BCL10: variants seen among roughly 807,000 people sequenced by gnomAD.
BCL10 encodes B-cell lymphoma/leukemia 10.
Under a neutral mutation model 19.2 loss-of-function variants are expected in BCL10, and 5 were observed. The observed-to-expected ratio is 0.26, with a 90% CI of 0.14 to 0.55. BCL10 has a LOEUF of 0.55. BCL10 is among the 20% of genes least tolerant of loss of function. The pLI, the probability that BCL10 is intolerant of heterozygous loss-of-function variation, is 0.94. For synonymous variants in BCL10, 110 were observed against 98.8 expected (o/e 1.11, Z -0.67); for missense variants, 201 against 271.9 (o/e 0.74, Z 1.83).
intron 2 of BCL10, among the ~76,000 whole-genome samples, chr1:85,269,315 T>C (rs1237702584): frequency 6.6e-6 from 1 of 152,236 alleles, no homozygotes; most frequent in East Asian, 1.9e-4. Flanking sequence ...TTTTATGATA[T>C]CCAAAGGGTA....
intron 1 of BCL10, among the ~76,000 whole-genome samples, chr1:85,273,951 A>G (rs1660436643): frequency 6.6e-6 from 1 of 152,184 alleles, no homozygotes; most frequent in African/African-American, 2.4e-5. Context: ...CCACCTTCCT[A>G]ACTTCACTTC....
At chr1:85,271,860 C>T (rs371621155) in intron 1 of BCL10, among the ~76,000 whole-genome samples, 2 of 152,248 alleles carry the variant, frequency 1.3e-5, no homozygotes. Flanking sequence ...TCTTGGTCTA[C>T]GAAGTTCCAC....
chr1:85,267,548 T>C lies in BCL10; in HGVS notation c.*79A>G. 1 of 1,201,252 alleles carries C rather than the reference T, an allele frequency of 8.3e-7. No individual in the cohort carries two copies. Among genetic ancestry groups the C allele is most frequent in the East Asian group, 2.4e-5 (1 of 41,062 alleles). 74.4% of individuals were successfully genotyped at this position (1,201,252 alleles called of 1,614,324 possible). On this transcript the variant is annotated 3_prime_UTR_variant, in exon 3 of 3. Coordinates refer to ENST00000648566, the MANE Select transcript of BCL10 (RefSeq NM_003921.5). ...AAGACATGCATCAAATGTAAACAAA[T>C]GATTACAGCCATTTTATAAAAAGTC... is the stretch of plus-strand genomic sequence containing the variant.
At chr1:85,268,298 T>C (rs1660259075) in intron 2 of BCL10, among the ~76,000 whole-genome samples, 1 of 152,224 alleles carries the variant, frequency 6.6e-6, no homozygotes, top group Non-Finnish European at 1.5e-5. Flanking sequence ...GAAATAGCTT[T>C]CACAATAAAT....
At chr1:85,276,211 G>T in intron 1 of BCL10, 85 bp downstream of exon 1, 1 of 1,522,408 alleles carries the variant, frequency 6.6e-7, no homozygotes, top group Non-Finnish European at 9.1e-7. Context: ...GATCCTCCTT[G>T]TCCTCGGACT....
At chr1:85,269,119 T>C (rs1177064469) in intron 2 of BCL10, among the ~76,000 whole-genome samples, 1 of 152,212 alleles carries the variant, frequency 6.6e-6, no homozygotes, top group East Asian at 1.9e-4. Context: ...TTTCACACTC[T>C]TGCCCTCCCT....
In BCL10 at chr1:85,268,044, T is replaced by C. The variant is rs185236679; in HGVS notation, c.347-62A>G. ...ACTAAAAAAATGGAGTCACTGTCCA[T>C]CTTGTGACTTGTTAAAGATTACAAG... On this transcript the variant is annotated intron_variant, in intron 2 of 2. Transcript: ENST00000648566. The C allele has an allele frequency of 1.4e-4, 160 of 1,125,564 alleles. 1 individual carries two copies. In the African/African-American group the frequency reaches 2.3e-3, roughly 16 times the overall value. 69.7% of individuals were successfully genotyped at this position (1,125,564 alleles called of 1,614,324 possible).
chr1:85,276,497 G>T lies in BCL10; in HGVS notation c.-145C>A, dbSNP rs1570341687. On this transcript the variant is annotated 5_prime_UTR_variant, in exon 1 of 3. Transcript: ENST00000648566. ...GGGAGAAAGACGGCCGCCCCTTCGG[G>T]AACAGAGGGACTCGGGGGTCAAACC... is the stretch of plus-strand genomic sequence containing the variant. 1.2e-6 allele frequency: 1 copy of T among 854,778 alleles called. No homozygotes were observed. Among genetic ancestry groups the T allele is most frequent in the Non-Finnish European group, 1.8e-6 (1 of 542,778 alleles). The allele number at this position is 854,778 out of a possible 1,614,324, so 52.9% of individuals were successfully genotyped here. A position where few individuals can be genotyped will look rare whatever the true frequency, so the allele number is the denominator to read the frequency against.
In BCL10 at chr1:85,276,292, T is replaced by G; in HGVS notation, c.57+4A>C. On this transcript the variant is annotated splice_donor_region_variant and intron_variant, in intron 1 of 2. Transcript: ENST00000648566. ...CCCGCCCTGGGCACAGCTGCGTTAC[T>G]CACGTCCTTCTTCACTTCAGTGAGG... The G allele has an allele frequency of 6.2e-7, 1 of 1,605,902 alleles. No homozygotes were observed.
chr1:85,272,430 G>C (rs1434948260), intron 1 of BCL10, among the ~76,000 whole-genome samples: 1 of 143,612 alleles, frequency 7.0e-6, no homozygotes, highest in Non-Finnish European at 1.5e-5. Flanking sequence ...TTGTAGAGAA[G>C]GGATCTTTGC....
At position 85,265,927 on chromosome 1, in the gene BCL10, T is replaced by G. The variant is rs923221947; in HGVS notation, c.*1700A>C. On this transcript the variant is annotated 3_prime_UTR_variant, in exon 3 of 3. Coordinates refer to ENST00000648566, the MANE Select transcript of BCL10 (RefSeq NM_003921.5). ...AAAAAGGTGTCCACAAATTTAATTT[T>G]AAAGTCTGCTTCTGCTTTTTAAAGC... 6.6e-6 allele frequency among the ~76,000 whole-genome samples: 1 copy of G among 152,236 alleles called. No homozygotes were observed. Among genetic ancestry groups the G allele is most frequent in the Non-Finnish European group, 1.5e-5 (1 of 68,034 alleles).
intron 2 of BCL10, among the ~76,000 whole-genome samples, chr1:85,268,210 T>A (rs942080631): frequency 6.6e-6 from 1 of 152,228 alleles, no homozygotes; most frequent in Admixed American, 6.5e-5. Context: ...CTCGTGGAAG[T>A]TAAACGACAT....
chr1:85,273,924 A>G lies in BCL10; in HGVS notation c.57+2372T>C, dbSNP rs568818838. ...CAGATACTTTACTAAAAGGCTCTTCATGAAAATGGCTCTAGCCCACCTTCC... is the reference window on the plus strand; with the variant it reads ...CAGATACTTTACTAAAAGGCTCTTCGTGAAAATGGCTCTAGCCCACCTTCC... On this transcript the variant is annotated intron_variant, in intron 1 of 2. Coordinates refer to ENST00000648566, the MANE Select transcript of BCL10 (RefSeq NM_003921.5). 2.1e-4 allele frequency among the ~76,000 whole-genome samples: 32 copies of G among 152,360 alleles called. 1 individual carries two copies. The highest frequency in any genetic ancestry group is 1.2e-3 in the South Asian group (6 of 4,830).
intron 1 of BCL10, among the ~76,000 whole-genome samples, chr1:85,271,147 G>C (rs897312176): frequency 1.3e-5 from 2 of 152,182 alleles, no homozygotes; most frequent in African/African-American, 4.8e-5. Context: ...GTTGTGAAGA[G>C]GGACCAGCTG....
At chr1:85,275,597 C>T (rs1014908167) in intron 1 of BCL10, among the ~76,000 whole-genome samples, 1 of 152,142 alleles carries the variant, frequency 6.6e-6, no homozygotes, top group African/African-American at 2.4e-5. Context: ...TCTGACAAAA[C>T]AAGTAAACGC....
chr1:85,275,105 A>G (rs148051167), intron 1 of BCL10, among the ~76,000 whole-genome samples: 2 of 152,354 alleles, frequency 1.3e-5, no homozygotes, highest in African/African-American at 4.8e-5. Context: ...TGTGTGACAC[A>G]GCATCTGGAA....
In BCL10 at chr1:85,266,456, T is replaced by G. The variant is rs1660193541; in HGVS notation, c.*1171A>C. 5.2e-6 allele frequency: 1 copy of G among 191,626 alleles called. No homozygotes were observed. Among genetic ancestry groups the G allele is most frequent in the Non-Finnish European group, 1.1e-5 (1 of 91,484 alleles). 11.9% of individuals were successfully genotyped at this position (191,626 alleles called of 1,614,324 possible). A position where few individuals can be genotyped will look rare whatever the true frequency, so the allele number is the denominator to read the frequency against. ...AAGACAAATCTGGCTAATGGCCCAC[T>G]TGTTCAAATAGCATTAAAAACAGAA... On this transcript the variant is annotated 3_prime_UTR_variant, in exon 3 of 3. Transcript: ENST00000648566.
Position 85,276,457 on chromosome 1 carries a change from G to A in BCL10, c.-105C>T, listed in dbSNP as rs567275938. The A allele has an allele frequency of 5.8e-5, 77 of 1,337,598 alleles. No individual in the cohort carries two copies. The African/African-American group carries it at 8.8e-4, about 15-fold the overall frequency. The allele number at this position is 1,337,598 out of a possible 1,614,324, so 82.9% of individuals were successfully genotyped here. ...TCCGGGTAATGGGGAAGAAGGAGAG[G>A]AGGCGGAGCGGGTCGGGAGAAAGAC... On this transcript the variant is annotated 5_prime_UTR_variant, in exon 1 of 3. Coordinates refer to ENST00000648566, the MANE Select transcript of BCL10 (RefSeq NM_003921.5).
chr1:85,276,392 C>A lies in BCL10; in HGVS notation c.-40G>T, dbSNP rs775726830. On this transcript the variant is annotated 5_prime_UTR_variant, in exon 1 of 3. Transcript: ENST00000648566. ...ATGGCGCTTCTTCCGGGTCCGGGAG[C>A]TCGGGCTGCGCCGCCCCGCCCTGGC... 14 of 1,609,766 alleles carry A rather than the reference C, an allele frequency of 8.7e-6. No individual in the cohort carries two copies. Among genetic ancestry groups the A allele is most frequent in the Non-Finnish European group, 1.2e-5 (14 of 1,176,790 alleles).
Sources: allele counts gnomAD v4.1 joint callset (sites outside exome capture counted in the v4.1 genomes callset), GRCh38; gene constraint gnomAD v4.1.1; transcripts MANE v1.5; gene names NCBI Gene and HGNC (gene_info 2026-07-23, HGNC 2026-07-21).